Variants in SLIT2 observed in about 807,000 individuals in gnomAD.
SLIT2 encodes the protein slit homolog 2 protein.
Under a neutral mutation model 185.7 loss-of-function variants are expected in SLIT2, and 41 were observed. That is an observed-to-expected ratio of 0.22 (90% CI 0.17 to 0.29). The LOEUF is 0.29. SLIT2 is among the 10% of genes least tolerant of loss of function. SLIT2 has a pLI of 1.00. For synonymous variants in SLIT2, 693 were observed against 680.2 expected (o/e 1.02, Z -0.29); for missense variants, 1,571 against 1,909.0 (o/e 0.82, Z 3.30).
intron 4 of SLIT2, among the ~76,000 whole-genome samples, chr4:20,448,466 A>G (rs1287540658): frequency 6.6e-6 from 1 of 151,826 alleles, no homozygotes; most frequent in African/African-American, 2.4e-5. Context: ...GATTACCAAC[A>G]TGAGCAACTA....
intron 5 of SLIT2, among the ~76,000 whole-genome samples, chr4:20,477,000 G>A (rs914092398): frequency 3.3e-5 from 5 of 152,028 alleles, no homozygotes; most frequent in Non-Finnish European, 4.4e-5. Flanking sequence ...ATGAGCTTCA[G>A]AACTTTTTGC....
chr4:20,375,792 G>GGA (rs1723964837), intron 4 of SLIT2, among the ~76,000 whole-genome samples: 1 of 150,370 alleles, frequency 6.7e-6, no homozygotes, highest in Non-Finnish European at 1.5e-5. Flanking sequence ...GATGTCTGAA[G>GGA]GAAAAAAAAA....
At chr4:20,490,888 C>A in intron 8 of SLIT2, 1 of 1,210,578 alleles carries the variant, frequency 8.3e-7, no homozygotes, top group Non-Finnish European at 1.2e-6. Context: ...ATAGAATTAG[C>A]AGCTGGCTTG....
chr4:20,418,160 CAAAT>C (rs1277339230), intron 4 of SLIT2, among the ~76,000 whole-genome samples: 1 of 152,128 alleles, frequency 6.6e-6, no homozygotes, highest in Non-Finnish European at 1.5e-5. Context: ...GGAGGCCAAA[CAAAT>C]AAAAATTTTA....
Position 20,412,053 on chromosome 4 carries a change from G to A in SLIT2, c.396-55699G>A, listed in dbSNP as rs76846120. Among the ~76,000 whole-genome samples, 8 of 152,138 alleles carry A rather than the reference G, an allele frequency of 5.3e-5. No homozygotes were observed. In the East Asian group the frequency reaches 1.5e-3, roughly 29 times the overall value. On this transcript the variant is annotated intron_variant, in intron 4 of 36. Coordinates refer to ENST00000504154, the MANE Select transcript of SLIT2 (RefSeq NM_004787.4). Reference sequence around the variant, plus strand: ...TCGTTTTATACTATTTTGGATATGGGCTTTGGAAGACAATATTTTCAGGGT... The same window carrying A: ...TCGTTTTATACTATTTTGGATATGGACTTTGGAAGACAATATTTTCAGGGT...
intron 5 of SLIT2, among the ~76,000 whole-genome samples, chr4:20,478,103 G>GAA (rs776968791): frequency 6.6e-6 from 1 of 152,160 alleles, no homozygotes; most frequent in Non-Finnish European, 1.5e-5. Context: ...GGTCTGTTGG[G>GAA]AGAGATTTTC....
chr4:20,530,082 TC>T (rs1721650641), intron 16 of SLIT2, among the ~76,000 whole-genome samples: 2 of 144,978 alleles, frequency 1.4e-5, no homozygotes, highest in Admixed American at 7.1e-5. Flanking sequence ...AAACCCACTA[TC>T]TTGTAGTTAT....
At chr4:20,410,409 C>G (rs1446852288) in intron 4 of SLIT2, among the ~76,000 whole-genome samples, 2 of 148,958 alleles carry the variant, frequency 1.3e-5, no homozygotes, top group Admixed American at 6.7e-5. Context: ...CCACCATGCC[C>G]AGCTAATTTT....
chr4:20,444,878 G>A (rs566542425), intron 4 of SLIT2, among the ~76,000 whole-genome samples: 1 of 152,276 alleles, frequency 6.6e-6, no homozygotes, highest in South Asian at 2.1e-4. Context: ...ATCTCTGCAT[G>A]TGCTGCCCAA....
At chr4:20,378,432 G>T (rs1200522509) in intron 4 of SLIT2, among the ~76,000 whole-genome samples, 1 of 152,024 alleles carries the variant, frequency 6.6e-6, no homozygotes, top group Non-Finnish European at 1.5e-5. Flanking sequence ...ACAAACAAGG[G>T]CTTATTTTAT....
chr4:20,561,359 A>G (rs1368839685), intron 26 of SLIT2, among the ~76,000 whole-genome samples: 5 of 151,848 alleles, frequency 3.3e-5, no homozygotes, highest in East Asian at 1.9e-4. Context: ...AAACTTCACA[A>G]TTCTCAGCAA....
chr4:20,608,642 C>T (rs1316492715), intron 33 of SLIT2, among the ~76,000 whole-genome samples: 1 of 152,146 alleles, frequency 6.6e-6, no homozygotes, highest in Admixed American at 6.5e-5. Context: ...TTTCACAATT[C>T]TGCAGAGTGA....
At chr4:20,337,420 C>T (rs1427809157) in intron 4 of SLIT2, among the ~76,000 whole-genome samples, 1 of 151,788 alleles carries the variant, frequency 6.6e-6, no homozygotes, top group Non-Finnish European at 1.5e-5. Context: ...CACTGGGTGC[C>T]TCCCAGTGGG....
At chr4:20,468,648 G>T (rs900449299) in intron 5 of SLIT2, among the ~76,000 whole-genome samples, 3 of 151,972 alleles carry the variant, frequency 2.0e-5, no homozygotes, top group East Asian at 1.9e-4. Context: ...TTCTAAAAAT[G>T]ATGGTTTTTG....
chr4:20,560,480 G>C (rs1242185755), intron 26 of SLIT2, among the ~76,000 whole-genome samples: 1 of 151,788 alleles, frequency 6.6e-6, no homozygotes, highest in Non-Finnish European at 1.5e-5. Context: ...GGAAGCAGAT[G>C]GCCATGACTT....
chr4:20,546,120 T>C, intron 22 of SLIT2, 21 bp downstream of exon 22: 1 of 1,373,156 alleles, frequency 7.3e-7, no homozygotes, highest in Non-Finnish European at 1.0e-6. Context: ...TATTGCACTT[T>C]TCTTTGACTT....
At chr4:20,309,211 A>G (rs1017370699) in intron 4 of SLIT2, among the ~76,000 whole-genome samples, 1 of 152,150 alleles carries the variant, frequency 6.6e-6, no homozygotes, top group Non-Finnish European at 1.5e-5. Context: ...TAATATTCTT[A>G]TTGCAATAAA....
intron 26 of SLIT2, among the ~76,000 whole-genome samples, chr4:20,560,530 A>G (rs1015641283): frequency 1.3e-5 from 2 of 151,900 alleles, no homozygotes; most frequent in African/African-American, 2.4e-5. Context: ...TCTTTTAAAT[A>G]TAAGATGACG....
chr4:20,536,579 AC>A (rs377106638), intron 18 of SLIT2, among the ~76,000 whole-genome samples: 3,207 of 139,418 alleles, frequency 0.023, 116 homozygotes, highest in African/African-American at 0.072. Flanking sequence ...AAAAAAAAAA[AC>A]AAAAACCACT....
Sources: allele counts gnomAD v4.1 joint callset (sites outside exome capture counted in the v4.1 genomes callset), GRCh38; gene constraint gnomAD v4.1.1; transcripts MANE v1.5; gene names NCBI Gene and HGNC (gene_info 2026-07-23, HGNC 2026-07-21).